Variants in PAPPA observed in about 807,000 individuals in gnomAD.
PAPPA encodes pappalysin-1.
In PAPPA, 60 loss-of-function variants were observed where a neutral mutation model predicts 164.0. The ratio of observed to expected loss-of-function variants is 0.37; its 90% CI spans 0.30 to 0.45. The LOEUF is 0.45. Among genes scored for constraint, PAPPA ranks in the 20% least tolerant of loss-of-function variants. PAPPA has a pLI of 1.00. For synonymous variants in PAPPA, 875 were observed against 814.1 expected (o/e 1.07, Z -1.27); for missense variants, 1,782 against 2,087.3 (o/e 0.85, Z 2.85).
chr9:116,160,677 A>G (rs1843655740), intron 1 of PAPPA, among the ~76,000 whole-genome samples: 1 of 151,980 alleles, frequency 6.6e-6, no homozygotes, highest in Non-Finnish European at 1.5e-5. Flanking sequence ...GTAGGTATCT[A>G]TTTCTCTCCG....
At chr9:116,339,674 C>T (rs911510100) in intron 13 of PAPPA, among the ~76,000 whole-genome samples, 3 of 152,300 alleles carry the variant, frequency 2.0e-5, no homozygotes, top group Non-Finnish European at 4.4e-5. Flanking sequence ...GATTTATAAA[C>T]AGCCTTTCTG....
chr9:116,223,328 C>T (rs1235297175), intron 5 of PAPPA, among the ~76,000 whole-genome samples: 1 of 152,156 alleles, frequency 6.6e-6, no homozygotes, highest in African/African-American at 2.4e-5. Flanking sequence ...ATGGAAGTTT[C>T]ATAAATGAAG....
chr9:116,232,514 C>A (rs538237923), intron 6 of PAPPA, among the ~76,000 whole-genome samples: 1 of 152,314 alleles, frequency 6.6e-6, no homozygotes, highest in East Asian at 1.9e-4. Flanking sequence ...CCAACAATAT[C>A]ATATTCTACT....
chr9:116,178,386 G>A (rs940057808), intron 1 of PAPPA, among the ~76,000 whole-genome samples: 1 of 152,138 alleles, frequency 6.6e-6, no homozygotes, highest in Admixed American at 6.5e-5. Flanking sequence ...GGGATTACAG[G>A]CGTGAGCCAC....
intron 10 of PAPPA, among the ~76,000 whole-genome samples, chr9:116,311,170 G>C (rs1321172960): frequency 6.8e-6 from 1 of 147,264 alleles, no homozygotes; most frequent in African/African-American, 2.5e-5. Flanking sequence ...ACTTGGTTTT[G>C]ATTAAACAAC....
At chr9:116,218,945 C>A (rs1040112999) in intron 4 of PAPPA, among the ~76,000 whole-genome samples, 8 of 152,176 alleles carry the variant, frequency 5.3e-5, no homozygotes, top group Admixed American at 2.0e-4. Flanking sequence ...AAGCACAGTG[C>A]ACCAATGGCA....
intron 21 of PAPPA, among the ~76,000 whole-genome samples, chr9:116,387,661 C>T (rs970389670): frequency 2.0e-5 from 3 of 152,228 alleles, no homozygotes; most frequent in Admixed American, 6.5e-5. Flanking sequence ...AGATGTGAGC[C>T]GCCATGGACG....
intron 2 of PAPPA, among the ~76,000 whole-genome samples, chr9:116,201,753 GGAA>G (rs917044441): frequency 3.3e-5 from 5 of 152,180 alleles, no homozygotes; most frequent in South Asian, 2.1e-4. Flanking sequence ...GCCACTTTGT[GGAA>G]GAAGGAGGAT....
At chr9:116,394,797 C>A in intron 21 of PAPPA, among the ~76,000 whole-genome samples, 1 of 152,138 alleles carries the variant, frequency 6.6e-6, no homozygotes. Context: ...GCATCAAGCA[C>A]TTATGAATTT....
intron 10 of PAPPA, among the ~76,000 whole-genome samples, chr9:116,311,262 T>C (rs1419217940): frequency 6.6e-6 from 1 of 152,126 alleles, no homozygotes; most frequent in Non-Finnish European, 1.5e-5. Flanking sequence ...GTGAATCTTC[T>C]GGGTCCAAAG....
In PAPPA at chr9:116,268,031, G is replaced by T. The variant is rs140824359; in HGVS notation, c.2861+2046G>T. Among the ~76,000 whole-genome samples the T allele has an allele frequency of 4.2e-3, 631 of 152,048 alleles. 9 individuals are homozygous for T. The highest frequency in any genetic ancestry group is 0.031 in the Admixed American group (479 of 15,264). ...ATGTATATTTATCTATATATTTCCG[G>T]ATCATATGTTTATTTCTTAAATGTC... is the stretch of plus-strand genomic sequence containing the variant. On this transcript the variant is annotated intron_variant, in intron 8 of 21. Coordinates refer to ENST00000328252, the MANE Select transcript of PAPPA (RefSeq NM_002581.5).
chr9:116,280,292 C>T (rs1466020047), intron 9 of PAPPA, among the ~76,000 whole-genome samples: 1 of 151,982 alleles, frequency 6.6e-6, no homozygotes, highest in African/African-American at 2.4e-5. Flanking sequence ...GAAAATGGCA[C>T]TAAATGGAAA....
chr9:116,292,881 C>G (rs1179774189), intron 9 of PAPPA, among the ~76,000 whole-genome samples: 1 of 152,122 alleles, frequency 6.6e-6, no homozygotes, highest in Non-Finnish European at 1.5e-5. Flanking sequence ...GAAGGAGAAG[C>G]CCTCAAATGA....
At chr9:116,232,056 C>T (rs1026130836) in intron 6 of PAPPA, among the ~76,000 whole-genome samples, 2 of 152,052 alleles carry the variant, frequency 1.3e-5, no homozygotes, top group African/African-American at 4.8e-5. Flanking sequence ...ACCTGGCCAA[C>T]AGTGGTTTTT....
intron 1 of PAPPA, among the ~76,000 whole-genome samples, chr9:116,186,293 T>C (rs73654666): frequency 6.7e-6 from 1 of 150,178 alleles, no homozygotes; most frequent in African/African-American, 2.5e-5. Context: ...TATAGATATA[T>C]ATAGACAGAG....
At chr9:116,344,732 C>T (rs1482046745) in intron 14 of PAPPA, 21 bp downstream of exon 14, 2 of 1,601,022 alleles carry the variant, frequency 1.2e-6, no homozygotes, top group Non-Finnish European at 8.5e-7. Flanking sequence ...GTGCTGAGCT[C>T]AGAGCCTCTC....
chr9:116,353,508 G>A (rs1846311370), intron 16 of PAPPA, 114 bp from the exon 17 acceptor site: 3 of 904,530 alleles, frequency 3.3e-6, no homozygotes, highest in East Asian at 4.9e-5. Flanking sequence ...TAGGTCAGGT[G>A]GGGAATCAAA....
rs1333048660 is a variant in PAPPA, at chr9:116,397,506, C to T, written c.*890C>T. The T allele has an allele frequency of 1.3e-5, 2 of 152,634 alleles. No individual in the cohort carries two copies. The highest frequency in any genetic ancestry group is 2.9e-5 in the Non-Finnish European group (2 of 68,056). 9.5% of individuals were successfully genotyped at this position (152,634 alleles called of 1,614,324 possible). ...CATTGAATAATCCAAGATGGTAGAA[C>T]TAGGTTAGGAAAAATTCCACACAAC... On this transcript the variant is annotated 3_prime_UTR_variant, in exon 22 of 22. Transcript: ENST00000328252.
chr9:116,287,391 T>G (rs946283057), intron 9 of PAPPA: 1 of 152,072 alleles, frequency 6.6e-6, no homozygotes, highest in African/African-American at 2.4e-5. Flanking sequence ...AAAGGACAAA[T>G]GGGGACTAGT....
Sources: gnomAD v4.1 joint callset for allele counts (sites outside exome capture counted in the v4.1 genomes callset) on GRCh38, gnomAD v4.1.1 for gene constraint, MANE v1.5 for transcripts, NCBI Gene and HGNC (gene_info 2026-07-23, HGNC 2026-07-21) for gene names.